Variants in MACO1 observed in about 807,000 individuals in gnomAD.
The protein encoded by MACO1 is macoilin 1.
A neutral mutation model predicts 78.7 loss-of-function variants in MACO1; 14 were observed. The observed-to-expected ratio is 0.18, with a 90% CI of 0.12 to 0.28. The LOEUF is 0.28. MACO1 is among the 10% of genes least tolerant of loss of function. MACO1 has a pLI of 1.00. For missense variants in MACO1, 501 were observed against 799.0 expected (o/e 0.63, Z 4.50); for synonymous variants, 288 against 291.6 (o/e 0.99, Z 0.12).
At chr1:25,445,956 A>G (rs1025994065) in intron 1 of MACO1, among the ~76,000 whole-genome samples, 4 of 152,178 alleles carry the variant, frequency 2.6e-5, no homozygotes, top group Admixed American at 6.5e-5. Context: ...AAATTGACCT[A>G]TAGAGTATAT....
intron 6 of MACO1, among the ~76,000 whole-genome samples, chr1:25,480,017 A>G (rs2043357792): frequency 6.6e-6 from 1 of 152,198 alleles, no homozygotes; most frequent in Admixed American, 6.5e-5. Flanking sequence ...AGTTATTTAT[A>G]TTTTTATTTA....
At chr1:25,490,431 A>G (rs1250362297) in intron 9 of MACO1, among the ~76,000 whole-genome samples, 1 of 152,250 alleles carries the variant, frequency 6.6e-6, no homozygotes, top group African/African-American at 2.4e-5. Context: ...TGAAATTAGC[A>G]GATGATTTTT....
intron 1 of MACO1, among the ~76,000 whole-genome samples, chr1:25,441,940 AG>A: frequency 6.6e-6 from 1 of 152,218 alleles, no homozygotes; most frequent in South Asian, 2.1e-4. Context: ...TTATCTGATT[AG>A]GGCATTGTCT....
intron 8 of MACO1, 32 bp from the exon 9 acceptor site, chr1:25,489,141 T>A (rs2043461841): frequency 1.2e-6 from 2 of 1,605,536 alleles, no homozygotes; most frequent in Admixed American, 3.4e-5. Context: ...GTCTTTTAAA[T>A]CACTTTATTT....
intron 1 of MACO1, among the ~76,000 whole-genome samples, chr1:25,441,050 GGTT>G (rs1364756589): frequency 6.6e-6 from 1 of 152,170 alleles, no homozygotes; most frequent in African/African-American, 2.4e-5. Context: ...TGGTTATCTT[GGTT>G]GTTGTTGCTT....
chr1:25,487,897 G>A (rs187218474), intron 8 of MACO1, among the ~76,000 whole-genome samples: 28 of 152,150 alleles, frequency 1.8e-4, no homozygotes, highest in African/African-American at 6.5e-4. Flanking sequence ...CTAAAAGCTA[G>A]GTAACCTTGA....
At chr1:25,453,393 G>A (rs536118085) in intron 3 of MACO1, among the ~76,000 whole-genome samples, 83 of 151,274 alleles carry the variant, frequency 5.5e-4, no homozygotes, top group African/African-American at 2.0e-3. Context: ...GCCGGGCACG[G>A]TGGCTCACGC....
intron 10 of MACO1, among the ~76,000 whole-genome samples, chr1:25,493,727 CTTTT>C (rs1189775109): frequency 2.2e-5 from 2 of 92,056 alleles, no homozygotes; most frequent in Admixed American, 2.5e-4. Flanking sequence ...TAGTTTGATT[CTTTT>C]TTTTTTTTTT....
intron 6 of MACO1, among the ~76,000 whole-genome samples, chr1:25,469,202 T>A (rs2043245679): frequency 6.6e-6 from 1 of 152,188 alleles, no homozygotes. Context: ...AATCTGAATC[T>A]AGAGAAATAT....
chr1:25,458,680 A>G lies in MACO1; in HGVS notation c.942A>G (p.Ser314=). ...GSTENLLKED[S]CTASSKNYKN... is the part of the protein sequence containing the mutation. ...CAGAAAATCTCTTGAAAGAGGACTCATGCACTGCTTCCTCAAAAAATTACA... is the reference window on the plus strand; with the variant it reads ...CAGAAAATCTCTTGAAAGAGGACTCGTGCACTGCTTCCTCAAAAAATTACA... Residue 314 remains serine (S), a synonymous_variant, in exon 6 of 11, where the codon TCA becomes TCG. Coordinates refer to ENST00000374343, the MANE Select transcript of MACO1 (RefSeq NM_018202.6). 2 of 1,614,200 alleles carry G rather than the reference A, an allele frequency of 1.2e-6. No homozygotes were observed. Among genetic ancestry groups the G allele is most frequent in the Non-Finnish European group, 8.5e-7 (1 of 1,180,032 alleles).
chr1:25,437,915 T>C (rs1300085374), intron 1 of MACO1, among the ~76,000 whole-genome samples: 2 of 151,998 alleles, frequency 1.3e-5, no homozygotes, highest in Admixed American at 1.3e-4. Context: ...AGCAAGACCC[T>C]GTGTCAAAAA....
intron 10 of MACO1, among the ~76,000 whole-genome samples, chr1:25,493,244 T>C (rs1480972452): frequency 6.6e-6 from 1 of 152,164 alleles, no homozygotes; most frequent in African/African-American, 2.4e-5. Flanking sequence ...AAAACATTTA[T>C]TTATTTATTT....
At chr1:25,478,309 C>CA (rs1430912298) in intron 6 of MACO1, among the ~76,000 whole-genome samples, 1 of 152,194 alleles carries the variant, frequency 6.6e-6, no homozygotes, top group African/African-American at 2.4e-5. Context: ...TCCAGATACT[C>CA]AAAGATATTT....
chr1:25,470,961 G>A (rs1423129380), intron 6 of MACO1, among the ~76,000 whole-genome samples: 1 of 152,104 alleles, frequency 6.6e-6, no homozygotes, highest in Non-Finnish European at 1.5e-5. Context: ...CTGGGAGTCA[G>A]AGGTTGCAGT....
chr1:25,489,615 C>G (rs2043466454), intron 9 of MACO1, among the ~76,000 whole-genome samples: 1 of 152,114 alleles, frequency 6.6e-6, no homozygotes, highest in Non-Finnish European at 1.5e-5. Flanking sequence ...ACTTACACAC[C>G]TCCTTTTAGC....
intron 1 of MACO1, among the ~76,000 whole-genome samples, chr1:25,434,284 G>A (rs182929264): frequency 1.3e-5 from 2 of 152,304 alleles, no homozygotes; most frequent in East Asian, 3.9e-4. Flanking sequence ...GCTAAAGTTC[G>A]ATGTAGTTTT....
chr1:25,452,233 A>T (rs1281361119), intron 3 of MACO1, among the ~76,000 whole-genome samples: 1 of 152,106 alleles, frequency 6.6e-6, no homozygotes, highest in Non-Finnish European at 1.5e-5. Context: ...CATCCCAAAG[A>T]TCCTTAGCAA....
intron 10 of MACO1, 85 bp from the exon 11 acceptor site, chr1:25,498,179 C>G: frequency 7.1e-7 from 1 of 1,403,234 alleles, no homozygotes; most frequent in Non-Finnish European, 9.9e-7. Context: ...CACACTGAAC[C>G]GAATCTACTT....
At chr1:25,446,678 C>G in intron 1 of MACO1, 84 bp from the exon 2 acceptor site, 1 of 1,344,850 alleles carries the variant, frequency 7.4e-7, no homozygotes, top group Non-Finnish European at 9.9e-7. Flanking sequence ...ATTTTTTTGT[C>G]GTTTTAAACA....
Sources: gnomAD v4.1 joint callset for allele counts (sites outside exome capture counted in the v4.1 genomes callset) on GRCh38, gnomAD v4.1.1 for gene constraint, MANE v1.5 for transcripts, NCBI Gene and HGNC (gene_info 2026-07-23, HGNC 2026-07-21) for gene names.